The following RUNX1 variants were observed in gnomAD, a reference collection of about 807,000 sequenced individuals.
RUNX1 encodes runt-related transcription factor 1.
RUNX1 carries 19 observed loss-of-function variants against 42.8 expected under a neutral mutation model. The ratio of observed to expected loss-of-function variants is 0.44; its 90% confidence interval spans 0.31 to 0.65. RUNX1 has a LOEUF of 0.65. Ranked by LOEUF, RUNX1 falls within the 30% of genes least tolerant of loss-of-function variation. RUNX1 has a pLI of 0.07. For synonymous variants in RUNX1, 271 were observed against 289.4 expected (o/e 0.94, Z 0.64); for missense variants, 528 against 672.0 (o/e 0.79, Z 2.37).
At chr21:34,839,364 C>A (rs1041633970) in intron 6 of RUNX1, among the ~76,000 whole-genome samples, 1 of 149,708 alleles carries the variant, frequency 6.7e-6, no homozygotes, top group Admixed American at 6.7e-5. Flanking sequence ...CACACACACT[C>A]GGGATGTACA....
intron 3 of RUNX1, chr21:34,889,585 G>A (rs1253579187): frequency 6.9e-6 from 6 of 866,090 alleles, no homozygotes; most frequent in Non-Finnish European, 8.6e-6. Context: ...CAGCCTGCCC[G>A]GGCCCCGCGT....
At chr21:34,799,719 A>G (rs1376780192) in intron 7 of RUNX1, among the ~76,000 whole-genome samples, 1 of 152,188 alleles carries the variant, frequency 6.6e-6, no homozygotes, top group African/African-American at 2.4e-5. Flanking sequence ...GCTAACAATG[A>G]TGAGAGGAAT....
At chr21:34,811,100 C>T (rs1332463974) in intron 7 of RUNX1, among the ~76,000 whole-genome samples, 5 of 152,230 alleles carry the variant, frequency 3.3e-5, no homozygotes, top group African/African-American at 1.2e-4. Flanking sequence ...ATTCTGAAAG[C>T]TGCATTTTAC....
At chr21:34,912,295 A>T (rs2058278593) in intron 2 of RUNX1, among the ~76,000 whole-genome samples, 1 of 149,966 alleles carries the variant, frequency 6.7e-6, no homozygotes, top group Non-Finnish European at 1.5e-5. Flanking sequence ...TTTGCTACTT[A>T]CTCTTCTATC....
intron 7 of RUNX1, among the ~76,000 whole-genome samples, chr21:34,814,367 A>G (rs1021222727): frequency 3.6e-4 from 55 of 152,294 alleles, no homozygotes; most frequent in African/African-American, 1.3e-3. Flanking sequence ...GGCGACAGGG[A>G]TCACACTGTC....
intron 6 of RUNX1, among the ~76,000 whole-genome samples, chr21:34,838,017 G>A (rs749214272): frequency 7.2e-5 from 11 of 152,150 alleles, no homozygotes; most frequent in South Asian, 2.1e-4. Context: ...AGTCAATGCC[G>A]TTTGCAAAAT....
intron 3 of RUNX1, chr21:34,888,592 C>T (rs2058032355): frequency 9.4e-7 from 1 of 1,060,416 alleles, no homozygotes; most frequent in East Asian, 5.0e-5. Context: ...CCTAGGAGCC[C>T]CGGAAAGAAG....
rs1293771722 is a variant in RUNX1, at chr21:34,789,805, A to G, written c.*2330T>C. 1 of 233,190 alleles carries G rather than the reference A, an allele frequency of 4.3e-6. No individual in the cohort carries two copies. The highest frequency in any genetic ancestry group is 8.5e-6 in the Non-Finnish European group (1 of 118,068). The allele number at this position is 233,190 out of a possible 1,614,324, so 14.4% of individuals were successfully genotyped here. ...GAGTAAAGGTTCAATGTAAAAGATT[A>G]TCTAATCAGAGCATGAGGCTGGTTT... is the stretch of plus-strand genomic sequence containing the variant. On this transcript the variant is annotated 3_prime_UTR_variant, in exon 9 of 9. Coordinates refer to ENST00000675419, the MANE Select transcript of RUNX1 (RefSeq NM_001754.5).
In RUNX1 at chr21:34,791,760, G is replaced by A. The variant is rs938661300; in HGVS notation, c.*375C>T. 4.4e-6 allele frequency: 1 copy of A among 227,706 alleles called. No individual in the cohort carries two copies. Among genetic ancestry groups the A allele is most frequent in the African/African-American group, 2.2e-5 (1 of 44,914 alleles). 14.1% of individuals were successfully genotyped at this position (227,706 alleles called of 1,614,324 possible). ...AACTTGGTTAAAAAGTTAAGTCAAG[G>A]GTATAAAATCTTTCTTTTTATTCAC... On this transcript the variant is annotated 3_prime_UTR_variant, in exon 9 of 9. Coordinates refer to ENST00000675419, the MANE Select transcript of RUNX1 (RefSeq NM_001754.5).
intron 2 of RUNX1, among the ~76,000 whole-genome samples, chr21:34,960,022 G>T (rs763483990): frequency 6.6e-6 from 1 of 152,180 alleles, no homozygotes; most frequent in Non-Finnish European, 1.5e-5. Context: ...GTGGAGGTCG[G>T]CTTGCACAGG....
intron 2 of RUNX1, among the ~76,000 whole-genome samples, chr21:34,992,597 G>C (rs912057628): frequency 2.0e-5 from 3 of 149,334 alleles, no homozygotes; most frequent in Admixed American, 6.7e-5. Context: ...ATTTCAGAGA[G>C]TGATAAGAGG....
intron 2 of RUNX1, among the ~76,000 whole-genome samples, chr21:35,031,269 A>G (rs1475529107): frequency 6.6e-6 from 1 of 152,170 alleles, no homozygotes; most frequent in Non-Finnish European, 1.5e-5. Context: ...AATTGCTTGA[A>G]CCTAAGAGGC....
chr21:34,984,586 G>C (rs2058871370), intron 2 of RUNX1, among the ~76,000 whole-genome samples: 1 of 152,166 alleles, frequency 6.6e-6, no homozygotes, highest in Admixed American at 6.5e-5. Context: ...GTGGCTTGCA[G>C]AAATAGCAGA....
chr21:34,869,594 C>T (rs2057709686), intron 5 of RUNX1, among the ~76,000 whole-genome samples: 1 of 152,154 alleles, frequency 6.6e-6, no homozygotes, highest in Admixed American at 6.5e-5. Flanking sequence ...GCCAGATGAA[C>T]CAGTGCTGAG....
chr21:34,952,851 T>C (rs1192521767), intron 2 of RUNX1, among the ~76,000 whole-genome samples: 2 of 152,154 alleles, frequency 1.3e-5, no homozygotes, highest in African/African-American at 4.8e-5. Flanking sequence ...AGGAGGTATG[T>C]AGGTCTTTTT....
At chr21:34,948,269 G>A (rs2146657253) in intron 2 of RUNX1, among the ~76,000 whole-genome samples, 1 of 152,178 alleles carries the variant, frequency 6.6e-6, no homozygotes, top group African/African-American at 2.4e-5. Context: ...TGCAGAAATT[G>A]CCAACGTGCA....
chr21:35,010,335 A>C (rs969249166), intron 2 of RUNX1, among the ~76,000 whole-genome samples: 1 of 151,742 alleles, frequency 6.6e-6, no homozygotes, highest in African/African-American at 2.4e-5. Flanking sequence ...CATCAATTAC[A>C]CTCCTTTTTT....
At position 34,930,292 on chromosome 21, in the gene RUNX1, A is replaced by AT. The variant is rs1491160540; in HGVS notation, c.59-37330_59-37329insA. Among the ~76,000 whole-genome samples, 41 of 136,552 alleles carry AT rather than the reference A, an allele frequency of 3.0e-4. 1 individual carries two copies. Among genetic ancestry groups the AT allele is most frequent in the East Asian group, 6.1e-4 (3 of 4,956 alleles). The allele number at this position is 136,552 out of a possible 152,430, so 89.6% of individuals were successfully genotyped here. A position where few individuals can be genotyped will look rare whatever the true frequency, so the allele number is the denominator to read the frequency against. ...TATGTATATATATATATATATATAT[A>AT]AATAAATAAATAAAATTTTACAACT... On this transcript the variant is annotated intron_variant, in intron 2 of 8. Transcript: ENST00000675419.
intron 2 of RUNX1, among the ~76,000 whole-genome samples, chr21:35,012,530 T>C (rs1212714780): frequency 6.6e-6 from 1 of 152,198 alleles, no homozygotes; most frequent in African/African-American, 2.4e-5. Context: ...TCGACTTGAA[T>C]GGTATCCACT....
Sources: allele counts gnomAD v4.1 joint callset (sites outside exome capture counted in the v4.1 genomes callset), GRCh38; gene constraint gnomAD v4.1.1; transcripts MANE v1.5; gene names NCBI Gene and HGNC (gene_info 2026-07-23, HGNC 2026-07-21).